Variants in DNAH6 observed in about 807,000 individuals in gnomAD.
DNAH6 encodes axonemal beta dynein heavy chain 6.
DNAH6 carries 340 observed loss-of-function variants against 491.4 expected under a neutral mutation model. That is an observed-to-expected ratio of 0.69 (90% CI 0.63 to 0.76). The LOEUF (loss-of-function observed/expected upper bound fraction) is 0.76, where lower values mean the gene tolerates loss of function less well. Ranked by LOEUF, DNAH6 falls within the 30% of genes least tolerant of loss-of-function variation. The pLI is 0.00. For missense variants in DNAH6, 4,443 were observed against 4,972.2 expected, an observed-to-expected ratio of 0.89 and a Z score of 3.20; for synonymous variants, 1,603 against 1,686.1, an observed-to-expected ratio of 0.95 and a Z score of 1.21.
Position 84,547,582 on chromosome 2 carries a change from C to T in DNAH6, c.1156C>T (p.Pro386Ser), listed in dbSNP as rs954865988. Residue 386 changes from proline to serine, a missense_variant, in exon 7 of 77, where the codon CCT (proline) becomes TCT (serine). Coordinates refer to ENST00000389394, the MANE Select transcript of DNAH6 (RefSeq NM_001370.2). ...RFALRAAGFV[P>S]DDCAFGPFED... ...TGCTTTGCGTGCTGCAGGATTTGTT[C>T]CTGATGACTGTGCATTTGGACCTTT... 1.9e-6 allele frequency: 3 copies of T among 1,551,680 alleles called. No homozygotes were observed. In the African/African-American group the frequency reaches 4.1e-5, roughly 21 times the overall value.
intron 32 of DNAH6, 141 bp from the exon 33 acceptor site, chr2:84,641,806 C>T (rs1410097826): frequency 6.2e-6 from 4 of 644,696 alleles, no homozygotes; most frequent in East Asian, 2.8e-5. Context: ...TGGAGATGAA[C>T]GCTGAACACA....
chr2:84,771,717 A>G (rs1260288590), intron 64 of DNAH6, among the ~76,000 whole-genome samples: 1 of 152,136 alleles, frequency 6.6e-6, no homozygotes, highest in Non-Finnish European at 1.5e-5. Context: ...CAAGAATTCT[A>G]TATCTGGCAA....
intron 40 of DNAH6, among the ~76,000 whole-genome samples, chr2:84,675,610 A>G (rs1918694): frequency 0.85 from 129,585 of 152,254 alleles, 55,289 homozygotes; most frequent in East Asian, 0.93. Flanking sequence ...CATTGCCTCA[A>G]CATTATATCC....
chr2:84,788,198 G>A (rs2105252310), intron 68 of DNAH6, among the ~76,000 whole-genome samples: 1 of 152,300 alleles, frequency 6.6e-6, no homozygotes, highest in Non-Finnish European at 1.5e-5. Context: ...TCCCAATGGG[G>A]CCGAAATTGC....
At chr2:84,546,460 A>T (rs1244799988) in intron 5 of DNAH6, among the ~76,000 whole-genome samples, 1 of 152,206 alleles carries the variant, frequency 6.6e-6, no homozygotes, top group Non-Finnish European at 1.5e-5. Context: ...CTAAATTTTT[A>T]ATCTACAGTT....
At chr2:84,509,897 T>C in the DNAH6 span, among the ~76,000 whole-genome samples, 1 of 152,248 alleles carries the variant, frequency 6.6e-6, no homozygotes, top group East Asian at 1.9e-4. Flanking sequence ...ATGTTGAATA[T>C]TGGCCCCCAC....
chr2:84,501,967 A>T, the DNAH6 span, among the ~76,000 whole-genome samples: 1 of 151,820 alleles, frequency 6.6e-6, no homozygotes, highest in Non-Finnish European at 1.5e-5. Flanking sequence ...TTAACTTTTC[A>T]AAAAACCAAC....
intron 25 of DNAH6, 39 bp from the exon 26 acceptor site, chr2:84,621,399 G>T: frequency 6.5e-7 from 1 of 1,545,244 alleles, no homozygotes; most frequent in Non-Finnish European, 8.8e-7. Flanking sequence ...CTTATTTGGT[G>T]ATATGCATCA....
chr2:84,622,532 C>T (rs146344607), intron 26 of DNAH6, among the ~76,000 whole-genome samples: 220 of 152,200 alleles, frequency 1.4e-3, no homozygotes, highest in Non-Finnish European at 2.7e-3. Context: ...GGATTACAGG[C>T]GTGATAATCA....
rs546553420 is a variant in DNAH6 at position 84,718,327 on chromosome 2, C to T, written c.9735C>T (p.Thr3245=). ...IEEKILRMLF[T]SEGNILDNEE... ...AGAAAATCCTGAGAATGCTCTTTAC[C>T]TCTGAAGGAAATATTCTGGACAATG... The change falls in exon 59 of 77, where the codon ACC becomes ACT. Residue 3245 remains threonine (T), a synonymous_variant. Transcript: ENST00000389394. The T allele has an allele frequency of 5.6e-5, 87 of 1,551,064 alleles. No individual in the cohort carries two copies. The highest frequency in any genetic ancestry group is 7.6e-5 in the Non-Finnish European group (87 of 1,146,782).
At chr2:84,553,383 TTCTTTC>T (rs1679649513) in intron 10 of DNAH6, among the ~76,000 whole-genome samples, 1 of 132,492 alleles carries the variant, frequency 7.5e-6, no homozygotes, top group African/African-American at 3.1e-5. Flanking sequence ...CTTTCTTTCT[TTCTTTC>T]TTTCTTTCTT....
intron 20 of DNAH6, 134 bp from the exon 21 acceptor site, chr2:84,606,842 G>A: frequency 1.1e-6 from 1 of 869,740 alleles, no homozygotes; most frequent in Non-Finnish European, 1.7e-6. Context: ...TGATGAGTAG[G>A]AAACAGTAAG....
intron 41 of DNAH6, among the ~76,000 whole-genome samples, 170 bp from the exon 42 acceptor site, chr2:84,681,187 G>T (rs902253674): frequency 1.3e-5 from 2 of 152,152 alleles, no homozygotes; most frequent in Non-Finnish European, 2.9e-5. Context: ...AGGAGTGAGC[G>T]CATTCTCAAG....
intron 68 of DNAH6, 82 bp downstream of exon 68, chr2:84,787,384 G>T: frequency 9.2e-7 from 1 of 1,085,234 alleles, no homozygotes; most frequent in Non-Finnish European, 1.3e-6. Flanking sequence ...TTACAAAGAT[G>T]GTGTCCTCCC....
intron 13 of DNAH6, among the ~76,000 whole-genome samples, 196 bp from the exon 14 acceptor site, chr2:84,579,331 G>A (rs1682784721): frequency 6.6e-6 from 1 of 152,150 alleles, no homozygotes; most frequent in Admixed American, 6.5e-5. Context: ...GGTAAGCTGT[G>A]GAAATGATCT....
At chr2:84,781,290 G>A (rs1233975791) in intron 64 of DNAH6, among the ~76,000 whole-genome samples, 1 of 151,978 alleles carries the variant, frequency 6.6e-6, no homozygotes, top group Non-Finnish European at 1.5e-5. Flanking sequence ...CTGTATATTC[G>A]GTTTTTGCAC....
At chr2:84,611,925 T>G in intron 22 of DNAH6, 71 bp downstream of exon 22, 1 of 1,346,676 alleles carries the variant, frequency 7.4e-7, no homozygotes. Flanking sequence ...AGTCCCAGAC[T>G]AAAATGTTTC....
chr2:84,473,472 A>G, the DNAH6 span, among the ~76,000 whole-genome samples: 6 of 152,180 alleles, frequency 3.9e-5, no homozygotes, highest in African/African-American at 1.2e-4. Context: ...TAAAAACTGT[A>G]ATGGTTGTAT....
At chr2:84,531,805 C>CATTAATGT (rs1677200711) in intron 4 of DNAH6, among the ~76,000 whole-genome samples, 1 of 151,876 alleles carries the variant, frequency 6.6e-6, no homozygotes, top group Non-Finnish European at 1.5e-5. Context: ...GAAGAATTAA[C>CATTAATGT]ATATAATGTA....
Sources: allele counts gnomAD v4.1 joint callset (sites outside exome capture counted in the v4.1 genomes callset), GRCh38; gene constraint gnomAD v4.1.1; transcripts MANE v1.5; gene names NCBI Gene and HGNC (gene_info 2026-07-23, HGNC 2026-07-21).